RAPGEF5: variants seen among roughly 807,000 people sequenced by gnomAD.
RAPGEF5 encodes the protein M-Ras-regulated GEF.
Under a neutral mutation model 125.2 loss-of-function variants are expected in RAPGEF5, and 65 were observed. That is an observed-to-expected ratio of 0.52 (90% CI 0.43 to 0.64). RAPGEF5 has a LOEUF of 0.64. RAPGEF5 is among the 30% of genes least tolerant of loss of function. RAPGEF5 has a pLI of 0.00. For missense variants in RAPGEF5, 958 were observed against 1,048.1 expected (o/e 0.91, Z 1.19); for synonymous variants, 391 against 385.9 (o/e 1.01, Z -0.16).
chr7:22,157,845 A>T lies in RAPGEF5; in HGVS notation c.1557+10T>A. On this transcript the variant is annotated intron_variant, in intron 15 of 25. Coordinates refer to ENST00000665637, the MANE Select transcript of RAPGEF5 (RefSeq NM_012294.5). The stretch of plus-strand genomic sequence containing the variant: ...ATCACCTAATTTTAGGTATAGAAGC[A>T]TCTGCTTACCTTTTTTTGTGGTGAA... The T allele has an allele frequency of 6.2e-7, 1 of 1,610,544 alleles. No homozygotes were observed. The highest frequency in any genetic ancestry group is 8.5e-7 in the Non-Finnish European group (1 of 1,176,820).
intron 1 of RAPGEF5, among the ~76,000 whole-genome samples, chr7:22,355,245 T>TAGGTATATTGACA (rs1784399825): frequency 6.6e-6 from 1 of 152,042 alleles, no homozygotes; most frequent in Non-Finnish European, 1.5e-5. Context: ...TAAAACTAAA[T>TAGGTATATTGACA]AGGTATATTG....
At position 22,150,132 on chromosome 7, in the gene RAPGEF5, T is replaced by A. The variant is rs573457555; in HGVS notation, c.1884+275A>T. Among the ~76,000 whole-genome samples the A allele has an allele frequency of 8.0e-5, 11 of 137,958 alleles. No individual in the cohort carries two copies. In the South Asian group the frequency reaches 2.6e-3, roughly 32 times the overall value. 90.5% of individuals were successfully genotyped at this position (137,958 alleles called of 152,430 possible). A position where few individuals can be genotyped will look rare whatever the true frequency, so the allele number is the denominator to read the frequency against. On this transcript the variant is annotated intron_variant, in intron 18 of 25. Coordinates refer to ENST00000665637, the MANE Select transcript of RAPGEF5 (RefSeq NM_012294.5). Reference sequence around the variant, plus strand: ...TCCTACCCTATCACCTGGGCTGGAGTGCAATGATGAGATCACAACTCATTG... The same window carrying A: ...TCCTACCCTATCACCTGGGCTGGAGAGCAATGATGAGATCACAACTCATTG...
intron 7 of RAPGEF5, among the ~76,000 whole-genome samples, chr7:22,257,946 A>C (rs1782043667): frequency 6.6e-6 from 1 of 152,222 alleles, no homozygotes. Context: ...CAAGGCTCTA[A>C]TGAAATATTA....
chr7:22,315,455 AAGAAG>A lies in RAPGEF5; in HGVS notation c.299_303del (p.Ser100LeufsTer16). 1 of 1,509,072 alleles carries A rather than the reference AAGAAG, an allele frequency of 6.6e-7. No homozygotes were observed. Among genetic ancestry groups the A allele is most frequent in the East Asian group, 2.6e-5 (1 of 38,906 alleles). The allele number at this position is 1,509,072 out of a possible 1,614,324, so 93.5% of individuals were successfully genotyped here. ...ATATTCCTCAATGCTCTTCCTGCAC[AAGAAG>A]AATTCTCTCCATAAATCTAAATGGA... On this transcript the variant is annotated frameshift_variant, in exon 3 of 26. Transcript: ENST00000665637. LOFTEE classifies it high-confidence loss of function.
chr7:22,331,092 C>T (rs544511344), intron 1 of RAPGEF5, among the ~76,000 whole-genome samples: 12 of 152,244 alleles, frequency 7.9e-5, no homozygotes, highest in Admixed American at 3.3e-4. Flanking sequence ...CACCAGAGAA[C>T]GTCAGTACTC....
intron 21 of RAPGEF5, 26 bp from the exon 22 acceptor site, chr7:22,137,009 CAGA>C: frequency 6.7e-7 from 1 of 1,501,378 alleles, no homozygotes; most frequent in Non-Finnish European, 9.1e-7. Context: ...AAACAAAAAA[CAGA>C]AGGTCACAGA....
chr7:22,336,235 C>T lies in RAPGEF5; in HGVS notation c.232-18198G>A, dbSNP rs114652739. ...TGCTTTTGTCAACTGATGGTGACTG[C>T]CACCTTACATCTGTTACATCATGTC... is the stretch of plus-strand genomic sequence containing the variant. On this transcript the variant is annotated intron_variant, in intron 1 of 25. Transcript: ENST00000665637. 3.4e-3 allele frequency among the ~76,000 whole-genome samples: 521 copies of T among 152,256 alleles called. 7 individuals carry two copies. Among genetic ancestry groups the T allele is most frequent in the African/African-American group, 0.012 (509 of 41,564 alleles).
intron 10 of RAPGEF5, 145 bp from the exon 11 acceptor site, chr7:22,193,600 G>T: frequency 6.4e-7 from 1 of 1,550,986 alleles, no homozygotes; most frequent in Non-Finnish European, 8.7e-7. Context: ...GTCTGAGAGC[G>T]CCGCGGCGGA....
chr7:22,160,549 ATTCT>A lies in RAPGEF5; in HGVS notation c.1491_1494del (p.Lys497AsnfsTer14). ...CGGTGCATTCCAAGTATCTTTTGAAATTCTTTCAATTCTTTTTCAAGTATTGGAT... is the reference window on the plus strand; with the variant it reads ...CGGTGCATTCCAAGTATCTTTTGAAATTCAATTCTTTTTCAAGTATTGGAT... On this transcript the variant is annotated frameshift_variant, in exon 14 of 26. Transcript: ENST00000665637. LOFTEE classifies it high-confidence loss of function. The A allele has an allele frequency of 6.5e-7, 1 of 1,548,704 alleles. No individual in the cohort carries two copies. Among genetic ancestry groups the A allele is most frequent in the Non-Finnish European group, 8.7e-7 (1 of 1,146,480 alleles).
chr7:22,154,352 C>T, intron 17 of RAPGEF5, 103 bp downstream of exon 17: 2 of 1,330,304 alleles, frequency 1.5e-6, no homozygotes, highest in Admixed American at 4.7e-5. Context: ...CAGCTGCGGG[C>T]CCAGAAGGGA....
At chr7:22,270,371 T>G (rs1782389735) in intron 6 of RAPGEF5, among the ~76,000 whole-genome samples, 1 of 152,238 alleles carries the variant, frequency 6.6e-6, no homozygotes, top group Non-Finnish European at 1.5e-5. Flanking sequence ...TACACGTTGT[T>G]TCAAATCTGT....
chr7:22,223,364 G>T (rs1785838967), intron 8 of RAPGEF5, among the ~76,000 whole-genome samples: 1 of 152,188 alleles, frequency 6.6e-6, no homozygotes. Context: ...TGGTAACTTT[G>T]AGTGGAGCAA....
chr7:22,157,503 T>C (rs1266149300), intron 15 of RAPGEF5, among the ~76,000 whole-genome samples: 2 of 152,240 alleles, frequency 1.3e-5, no homozygotes, highest in Non-Finnish European at 2.9e-5. Flanking sequence ...TTACAAGACT[T>C]CTTTCCTCTT....
chr7:22,271,882 G>C (rs746487027), intron 6 of RAPGEF5, among the ~76,000 whole-genome samples: 10 of 152,142 alleles, frequency 6.6e-5, no homozygotes, highest in Non-Finnish European at 1.2e-4. Flanking sequence ...AGTGCCTTTG[G>C]TCTTAAAATC....
chr7:22,149,801 G>A (rs1198486958), intron 18 of RAPGEF5, among the ~76,000 whole-genome samples: 3 of 151,992 alleles, frequency 2.0e-5, no homozygotes, highest in African/African-American at 7.2e-5. Flanking sequence ...TATACTCACC[G>A]AAAAAGAAGA....
chr7:22,282,571 A>G (rs544533848), intron 6 of RAPGEF5, among the ~76,000 whole-genome samples: 106 of 152,300 alleles, frequency 7.0e-4, no homozygotes, highest in African/African-American at 2.5e-3. Context: ...TTTAATATGG[A>G]CTCTTAAATA....
chr7:22,161,494 G>A (rs553956419), intron 13 of RAPGEF5, among the ~76,000 whole-genome samples: 61 of 150,688 alleles, frequency 4.0e-4, no homozygotes, highest in Non-Finnish European at 7.4e-4. Flanking sequence ...CTATGACTGC[G>A]TCACTGCACT....
At chr7:22,319,254 T>C (rs1355792856) in intron 1 of RAPGEF5, among the ~76,000 whole-genome samples, 2 of 152,202 alleles carry the variant, frequency 1.3e-5, no homozygotes, top group African/African-American at 2.4e-5. Flanking sequence ...TGAGATCCTA[T>C]AGTTTTCAGC....
chr7:22,143,823 C>A (rs1226052673), intron 20 of RAPGEF5, among the ~76,000 whole-genome samples: 3 of 152,176 alleles, frequency 2.0e-5, no homozygotes, highest in Non-Finnish European at 4.4e-5. Flanking sequence ...GCACAGGAGC[C>A]AGCTGAGGTA....
Sources: allele counts gnomAD v4.1 joint callset (sites outside exome capture counted in the v4.1 genomes callset), GRCh38; gene constraint gnomAD v4.1.1; transcripts MANE v1.5; gene names NCBI Gene and HGNC (gene_info 2026-07-23, HGNC 2026-07-21).